Variants in RBFOX1 observed in about 807,000 individuals in gnomAD.
The protein encoded by RBFOX1 is RNA binding protein fox-1 homolog 1.
RBFOX1 carries 8 observed loss-of-function variants against 57.7 expected under a neutral mutation model. That is an observed-to-expected ratio of 0.14 (90% confidence interval 0.08 to 0.25). The LOEUF (loss-of-function observed/expected upper bound fraction) is 0.25, where lower values mean the gene tolerates loss of function less well. Among genes scored for constraint, RBFOX1 ranks in the 10% least tolerant of loss-of-function variants. The pLI, the probability that RBFOX1 is intolerant of heterozygous loss-of-function variation, is 1.00. For missense variants in RBFOX1, 611 were observed against 548.5 expected (o/e 1.11, Z -1.14); for synonymous variants, 326 against 222.4 (o/e 1.47, Z -4.15).
intron 4 of RBFOX1, among the ~76,000 whole-genome samples, chr16:7,490,577 T>C (rs1379663220): frequency 6.6e-6 from 1 of 152,240 alleles, no homozygotes; most frequent in Non-Finnish European, 1.5e-5. Context: ...TAAATTCAAC[T>C]GTGACTTGTT....
intron 1 of RBFOX1, among the ~76,000 whole-genome samples, chr16:5,403,906 G>A (rs2066790120): frequency 6.6e-6 from 1 of 151,938 alleles, no homozygotes; most frequent in Non-Finnish European, 1.5e-5. Context: ...AGAGTAACTG[G>A]GTTGCTACTG....
chr16:7,190,836 A>G (rs958219609), intron 4 of RBFOX1, among the ~76,000 whole-genome samples: 1 of 152,240 alleles, frequency 6.6e-6, no homozygotes, highest in Non-Finnish European at 1.5e-5. Context: ...GCTTATCTGC[A>G]TAGACGCACA....
At chr16:5,394,657 G>T (rs2066501365) in intron 1 of RBFOX1, among the ~76,000 whole-genome samples, 1 of 150,858 alleles carries the variant, frequency 6.6e-6, no homozygotes, top group African/African-American at 2.4e-5. Flanking sequence ...GACCTCCTGG[G>T]CCCAAGCAAT....
intron 2 of RBFOX1, among the ~76,000 whole-genome samples, chr16:6,383,179 T>C (rs1026123847): frequency 2.0e-5 from 3 of 152,224 alleles, no homozygotes; most frequent in Admixed American, 6.5e-5. Context: ...TCCAAGAAGA[T>C]CTGGCTTTCT....
intron 3 of RBFOX1, among the ~76,000 whole-genome samples, chr16:6,823,328 C>G (rs1394910997): frequency 6.6e-6 from 1 of 151,838 alleles, no homozygotes; most frequent in Non-Finnish European, 1.5e-5. Flanking sequence ...ATGATCTTGA[C>G]TCACTGCAAC....
intron 3 of RBFOX1, among the ~76,000 whole-genome samples, chr16:5,706,247 A>T (rs1313799753): frequency 6.6e-6 from 1 of 152,178 alleles, no homozygotes; most frequent in Non-Finnish European, 1.5e-5. Flanking sequence ...GTCTTAGAAC[A>T]TTCCGAAAGT....
chr16:5,750,932 T>C (rs9925184), intron 3 of RBFOX1, among the ~76,000 whole-genome samples: 78,742 of 152,032 alleles, frequency 0.52, 21,409 homozygotes, highest in African/African-American at 0.68. Flanking sequence ...ATTCAGAAAT[T>C]ACCTGTCTTC....
intron 3 of RBFOX1, among the ~76,000 whole-genome samples, chr16:5,861,849 C>T (rs2151887753): frequency 6.6e-6 from 1 of 152,272 alleles, no homozygotes; most frequent in East Asian, 1.9e-4. Context: ...AACCAGAAAA[C>T]CAAAGGGGAA....
intron 2 of RBFOX1, among the ~76,000 whole-genome samples, chr16:6,450,801 G>GTATATACATATATA (rs2094585491): frequency 6.1e-5 from 1 of 16,462 alleles, no homozygotes; most frequent in African/African-American, 2.3e-4. Context: ...ATATATATAT[G>GTATATACATATATA]TATATATATA....
chr16:5,630,100 C>G (rs1360381330), intron 3 of RBFOX1, among the ~76,000 whole-genome samples: 5 of 152,258 alleles, frequency 3.3e-5, no homozygotes, highest in Admixed American at 3.3e-4. Flanking sequence ...TCTCAAAAGT[C>G]ATTTGAGGCT....
At chr16:5,532,524 G>T (rs749008674) in intron 2 of RBFOX1, among the ~76,000 whole-genome samples, 1 of 152,294 alleles carries the variant, frequency 6.6e-6, no homozygotes, top group African/African-American at 2.4e-5. Context: ...TTAGAGAATG[G>T]ATAGTGTCAT....
chr16:5,515,957 T>A (rs2043776838), intron 2 of RBFOX1, among the ~76,000 whole-genome samples: 1 of 152,190 alleles, frequency 6.6e-6, no homozygotes, highest in Non-Finnish European at 1.5e-5. Flanking sequence ...AGGCCCAGAA[T>A]AGTGCCACCA....
intron 4 of RBFOX1, among the ~76,000 whole-genome samples, chr16:7,102,403 C>G (rs948311753): frequency 2.0e-5 from 3 of 152,156 alleles, no homozygotes; most frequent in African/African-American, 2.4e-5. Context: ...TAGTCGCTTT[C>G]AAGCATTCAC....
intron 2 of RBFOX1, among the ~76,000 whole-genome samples, chr16:6,593,218 G>C (rs991759632): frequency 6.6e-6 from 1 of 152,028 alleles, no homozygotes; most frequent in Non-Finnish European, 1.5e-5. Flanking sequence ...AAAGAGAGTG[G>C]AGATCACCCT....
chr16:5,263,276 A>T (rs1391198703), intron 1 of RBFOX1, among the ~76,000 whole-genome samples: 1 of 152,190 alleles, frequency 6.6e-6, no homozygotes, highest in Non-Finnish European at 1.5e-5. Context: ...CTTAACTGGT[A>T]CAAAAATAAT....
chr16:7,061,240 A>G (rs1175751065), intron 4 of RBFOX1, among the ~76,000 whole-genome samples: 2 of 152,220 alleles, frequency 1.3e-5, no homozygotes, highest in African/African-American at 2.4e-5. Context: ...TAAGAAACTC[A>G]TAAGTACATT....
intron 2 of RBFOX1, among the ~76,000 whole-genome samples, chr16:6,544,083 T>C (rs2096861399): frequency 6.6e-6 from 1 of 152,230 alleles, no homozygotes; most frequent in Non-Finnish European, 1.5e-5. Context: ...ATCTGGCCCA[T>C]GAGCTGTTTG....
chr16:7,351,218 GT>G (rs2097124757), intron 4 of RBFOX1, among the ~76,000 whole-genome samples: 1 of 152,234 alleles, frequency 6.6e-6, no homozygotes. Flanking sequence ...ACTGTTAGCT[GT>G]GATCTTGAAC....
intron 4 of RBFOX1, among the ~76,000 whole-genome samples, chr16:7,179,470 C>T (rs1038786874): frequency 6.6e-6 from 1 of 152,126 alleles, no homozygotes; most frequent in Admixed American, 6.6e-5. Flanking sequence ...ATTTACGGTT[C>T]ACCAAAATCT....
Sources: gnomAD v4.1 joint callset for allele counts (sites outside exome capture counted in the v4.1 genomes callset) on GRCh38, gnomAD v4.1.1 for gene constraint, MANE v1.5 for transcripts, NCBI Gene and HGNC (gene_info 2026-07-23, HGNC 2026-07-21) for gene names.